The following EYS variants were observed in gnomAD, a reference collection of about 807,000 sequenced individuals.
EYS encodes EGF-like photoreceptor maintenance factor, also known as protein eyes shut homolog.
In EYS, 250 loss-of-function variants were observed where a neutral mutation model predicts 282.1. That is an observed-to-expected ratio of 0.89 (90% CI 0.80 to 0.98). The LOEUF is 0.98. Ranked by LOEUF, EYS falls within the 50% of genes least tolerant of loss-of-function variation. EYS has a pLI of 0.00. For synonymous variants in EYS, 1,355 were observed against 1,282.9 expected, an observed-to-expected ratio of 1.06 and a Z score of -1.20; for missense variants, 4,016 against 3,709.0, an observed-to-expected ratio of 1.08 and a Z score of -2.15.
At chr6:64,604,209 C>G (rs1041034621) in intron 24 of EYS, among the ~76,000 whole-genome samples, 1 of 151,956 alleles carries the variant, frequency 6.6e-6, no homozygotes, top group East Asian at 1.9e-4. Context: ...CTAGGTTATC[C>G]ACAATATCCT....
chr6:64,690,831 G>C (rs1332494108), intron 22 of EYS, among the ~76,000 whole-genome samples: 2 of 152,012 alleles, frequency 1.3e-5, no homozygotes, highest in African/African-American at 4.8e-5. Flanking sequence ...GCCTGTCCTG[G>C]GGTGGGGGGA....
At chr6:65,659,094 A>C (rs1767922515) in intron 1 of EYS, among the ~76,000 whole-genome samples, 1 of 151,434 alleles carries the variant, frequency 6.6e-6, no homozygotes, top group South Asian at 2.1e-4. Flanking sequence ...GATTTATTTA[A>C]TTTATAGCCT....
chr6:63,892,161 A>G (rs1460213704), intron 35 of EYS, among the ~76,000 whole-genome samples: 2 of 152,206 alleles, frequency 1.3e-5, no homozygotes, highest in Non-Finnish European at 2.9e-5. Flanking sequence ...TGCCCAAATT[A>G]ATTTATAAAT....
At chr6:65,377,160 C>A (rs779721823) in intron 8 of EYS, among the ~76,000 whole-genome samples, 5 of 151,600 alleles carry the variant, frequency 3.3e-5, no homozygotes, top group Non-Finnish European at 7.4e-5. Flanking sequence ...AGAATGGATG[C>A]AAATGTAAAA....
intron 30 of EYS, among the ~76,000 whole-genome samples, chr6:64,245,782 T>C (rs1766991778): frequency 6.6e-6 from 1 of 152,090 alleles, no homozygotes; most frequent in Non-Finnish European, 1.5e-5. Context: ...GTTTGCTTTG[T>C]CCATCTCTTG....
intron 35 of EYS, among the ~76,000 whole-genome samples, chr6:63,955,632 G>T (rs551382114): frequency 6.6e-6 from 1 of 151,916 alleles, no homozygotes; most frequent in Non-Finnish European, 1.5e-5. Flanking sequence ...TTGACTTACT[G>T]CTTAAAAAAA....
At chr6:65,584,645 C>T (rs1303824424) in intron 2 of EYS, among the ~76,000 whole-genome samples, 1 of 151,868 alleles carries the variant, frequency 6.6e-6, no homozygotes, top group Non-Finnish European at 1.5e-5. Flanking sequence ...TAAGGCTAAT[C>T]TTTCACTTTT....
intron 2 of EYS, among the ~76,000 whole-genome samples, chr6:65,514,681 T>C (rs1162058963): frequency 3.9e-5 from 6 of 151,960 alleles, no homozygotes; most frequent in Admixed American, 1.3e-4. Context: ...GAAAAACAAG[T>C]GATGGGGAAA....
intron 1 of EYS, among the ~76,000 whole-genome samples, chr6:65,676,692 TC>T: frequency 6.6e-6 from 1 of 151,764 alleles, no homozygotes; most frequent in Non-Finnish European, 1.5e-5. Flanking sequence ...AGACAATACT[TC>T]CAACATCATT....
chr6:63,861,674 G>A (rs1772534594), intron 36 of EYS, among the ~76,000 whole-genome samples: 1 of 152,114 alleles, frequency 6.6e-6, no homozygotes, highest in African/African-American at 2.4e-5. Flanking sequence ...GATGGTATTT[G>A]GAAATGGGGT....
At chr6:64,125,553 A>T (rs967192732) in intron 31 of EYS, among the ~76,000 whole-genome samples, 1 of 151,940 alleles carries the variant, frequency 6.6e-6, no homozygotes, top group Non-Finnish European at 1.5e-5. Flanking sequence ...TAGGAGGCTG[A>T]GGCGGGCGGA....
intron 34 of EYS, among the ~76,000 whole-genome samples, chr6:63,990,699 A>T (rs532845573): frequency 6.6e-6 from 1 of 151,802 alleles, no homozygotes; most frequent in East Asian, 1.9e-4. Context: ...GAATGAGGGC[A>T]TGTGTCCAGT....
At chr6:63,900,197 T>C (rs1364480358) in intron 35 of EYS, among the ~76,000 whole-genome samples, 1 of 152,230 alleles carries the variant, frequency 6.6e-6, no homozygotes, top group Non-Finnish European at 1.5e-5. Flanking sequence ...GCAGGTATTA[T>C]TTACTTATTT....
chr6:63,759,826 T>TA (rs1366633164), intron 41 of EYS, among the ~76,000 whole-genome samples: 1 of 152,078 alleles, frequency 6.6e-6, no homozygotes, highest in East Asian at 1.9e-4. Flanking sequence ...CCAATTTCTC[T>TA]ATTATTAGGA....
At chr6:63,861,729 G>C (rs1158155414) in intron 36 of EYS, among the ~76,000 whole-genome samples, 2 of 152,110 alleles carry the variant, frequency 1.3e-5, no homozygotes, top group Non-Finnish European at 2.9e-5. Flanking sequence ...TCATAAATGG[G>C]ATTAGTGCCC....
intron 36 of EYS, among the ~76,000 whole-genome samples, chr6:63,843,814 G>T (rs1323540816): frequency 6.6e-6 from 1 of 152,200 alleles, no homozygotes; most frequent in Non-Finnish European, 1.5e-5. Context: ...AATTATCTCT[G>T]TTTGCAGACG....
At chr6:65,678,985 A>C (rs1438250683) in intron 1 of EYS, among the ~76,000 whole-genome samples, 3 of 151,982 alleles carry the variant, frequency 2.0e-5, no homozygotes, top group Admixed American at 2.0e-4. Flanking sequence ...GGATGTGATA[A>C]TAATAATCCT....
At chr6:63,729,168 G>C (rs2149633826) in intron 41 of EYS, among the ~76,000 whole-genome samples, 1 of 152,128 alleles carries the variant, frequency 6.6e-6, no homozygotes, top group East Asian at 1.9e-4. Flanking sequence ...TTTAAAAATT[G>C]AGTTAATTTT....
At chr6:65,083,182 G>T (rs1193083328) in intron 12 of EYS, among the ~76,000 whole-genome samples, 1 of 151,898 alleles carries the variant, frequency 6.6e-6, no homozygotes, top group Non-Finnish European at 1.5e-5. Context: ...CATTTTCTCA[G>T]TATTAGACTC....
Sources: allele counts gnomAD v4.1 joint callset (sites outside exome capture counted in the v4.1 genomes callset), GRCh38; gene constraint gnomAD v4.1.1; transcripts MANE v1.5; gene names NCBI Gene and HGNC (gene_info 2026-07-23, HGNC 2026-07-21).